Variants in AFF3 observed in about 807,000 individuals in gnomAD.
The protein encoded by AFF3 is ALF transcription elongation factor 3, also known as AF4/FMR2 family member 3.
Under a neutral mutation model 129.7 loss-of-function variants are expected in AFF3, and 32 were observed. That is an observed-to-expected ratio of 0.25 (90% CI 0.19 to 0.33). AFF3 has a LOEUF of 0.33. Among genes scored for constraint, AFF3 ranks in the 10% least tolerant of loss-of-function variants. The pLI, the probability that AFF3 is intolerant of heterozygous loss-of-function variation, is 1.00. For missense variants in AFF3, 1,373 were observed against 1,592.0 expected (o/e 0.86, Z 2.34); for synonymous variants, 644 against 635.4 (o/e 1.01, Z -0.20).
At chr2:99,809,272 GAGA>G (rs1486254771) in intron 8 of AFF3, among the ~76,000 whole-genome samples, 1 of 152,226 alleles carries the variant, frequency 6.6e-6, no homozygotes. Context: ...CGCTTTAGCT[GAGA>G]AGAAGAGAAG....
intron 9 of AFF3, among the ~76,000 whole-genome samples, chr2:99,746,217 A>G (rs1212363973): frequency 6.6e-6 from 1 of 152,068 alleles, no homozygotes; most frequent in Admixed American, 6.6e-5. Flanking sequence ...ATCCAGCAAA[A>G]CTCCTTTAAA....
At chr2:99,618,860 T>G (rs1302162513) in intron 13 of AFF3, among the ~76,000 whole-genome samples, 1 of 152,118 alleles carries the variant, frequency 6.6e-6, no homozygotes. Flanking sequence ...TAAACCTGGC[T>G]GCTTCAGTGC....
At chr2:99,758,303 C>G (rs1575889226) in intron 8 of AFF3, among the ~76,000 whole-genome samples, 2 of 152,156 alleles carry the variant, frequency 1.3e-5, no homozygotes, top group Admixed American at 1.3e-4. Flanking sequence ...CACATGCGGT[C>G]GGGCAGAGTG....
At position 99,729,674 on chromosome 2, in the gene AFF3, G is replaced by C. The variant is rs998261491; in HGVS notation, c.1040-2546C>G. 2.6e-5 allele frequency among the ~76,000 whole-genome samples: 4 copies of C among 152,034 alleles called. No individual in the cohort carries two copies. The East Asian group carries it at 7.7e-4, about 29-fold the overall frequency. ...TTATGGTCTCTTTATTAGGACCCAA[G>C]GGAAAATGATGAATGTAATGGAACA... On this transcript the variant is annotated intron_variant, in intron 10 of 24. Coordinates refer to ENST00000672756, the MANE Select transcript of AFF3 (RefSeq NM_001386135.1).
chr2:99,676,433 A>G (rs890978641), intron 11 of AFF3, among the ~76,000 whole-genome samples: 1 of 152,192 alleles, frequency 6.6e-6, no homozygotes, highest in Non-Finnish European at 1.5e-5. Flanking sequence ...CTGCCCAGGA[A>G]GAATGCTAGC....
intron 1 of AFF3, among the ~76,000 whole-genome samples, chr2:100,132,748 A>C (rs568840233): frequency 2.5e-4 from 38 of 152,162 alleles, no homozygotes; most frequent in Non-Finnish European, 5.4e-4. Flanking sequence ...AGTACTCAAA[A>C]AAATGTTAAA....
chr2:99,662,776 T>C (rs1686359746), intron 12 of AFF3, among the ~76,000 whole-genome samples: 1 of 152,206 alleles, frequency 6.6e-6, no homozygotes, highest in Non-Finnish European at 1.5e-5. Context: ...CTCCTGTTTA[T>C]ATAATTCTAC....
At chr2:99,852,932 C>A (rs1436006787) in intron 7 of AFF3, among the ~76,000 whole-genome samples, 1 of 152,178 alleles carries the variant, frequency 6.6e-6, no homozygotes, top group Non-Finnish European at 1.5e-5. Flanking sequence ...TCTACCATAT[C>A]CCCAAGACCC....
intron 7 of AFF3, among the ~76,000 whole-genome samples, chr2:99,865,967 G>A (rs1377414770): frequency 6.6e-6 from 1 of 152,228 alleles, no homozygotes; most frequent in African/African-American, 2.4e-5. Context: ...CCTACGATGT[G>A]TCAGCCATTG....
At chr2:99,618,357 T>C (rs1681660125) in intron 13 of AFF3, among the ~76,000 whole-genome samples, 1 of 150,710 alleles carries the variant, frequency 6.6e-6, no homozygotes, top group East Asian at 2.0e-4. Context: ...TTCCTCAGCT[T>C]CCTGAGTAGC....
intron 7 of AFF3, among the ~76,000 whole-genome samples, chr2:99,855,847 T>G (rs1003410339): frequency 1.1e-4 from 16 of 152,114 alleles, no homozygotes. Flanking sequence ...CTCTGCCAAG[T>G]GATTAAGGTT....
At chr2:99,774,576 T>A (rs1683744517) in intron 8 of AFF3, among the ~76,000 whole-genome samples, 1 of 151,982 alleles carries the variant, frequency 6.6e-6, no homozygotes, top group African/African-American at 2.4e-5. Context: ...CCTTACACCA[T>A]ATACAAAAAA....
chr2:100,085,741 C>G (rs1026293651), intron 4 of AFF3, among the ~76,000 whole-genome samples: 2 of 152,172 alleles, frequency 1.3e-5, no homozygotes, highest in Admixed American at 6.6e-5. Context: ...CCAGACAGAT[C>G]TAACAGTCCA....
At chr2:99,780,335 C>A (rs1393680749) in intron 8 of AFF3, among the ~76,000 whole-genome samples, 1 of 152,196 alleles carries the variant, frequency 6.6e-6, no homozygotes, top group Non-Finnish European at 1.5e-5. Flanking sequence ...CTAGATGGAT[C>A]ACTTTCCTCC....
At chr2:100,074,977 T>TA (rs1260634442) in intron 4 of AFF3, among the ~76,000 whole-genome samples, 1 of 152,166 alleles carries the variant, frequency 6.6e-6, no homozygotes, top group Non-Finnish European at 1.5e-5. Context: ...AAAGGACCAT[T>TA]ACAGGATCTT....
intron 4 of AFF3, among the ~76,000 whole-genome samples, chr2:100,042,338 C>A (rs1231918834): frequency 6.6e-6 from 1 of 152,212 alleles, no homozygotes; most frequent in African/African-American, 2.4e-5. Flanking sequence ...ACTTCATTTT[C>A]TCTAGAGCAT....
At chr2:100,077,251 A>T (rs1050910754) in intron 4 of AFF3, among the ~76,000 whole-genome samples, 1 of 152,166 alleles carries the variant, frequency 6.6e-6, no homozygotes, top group African/African-American at 2.4e-5. Context: ...TCTCAAACGA[A>T]AATAAAACAA....
chr2:99,941,484 C>A (rs1037225892), intron 7 of AFF3, among the ~76,000 whole-genome samples: 1 of 152,210 alleles, frequency 6.6e-6, no homozygotes, highest in Non-Finnish European at 1.5e-5. Flanking sequence ...AGTCTGACAG[C>A]TGCATATCAC....
At chr2:100,007,665 G>A (rs1682094900) in intron 5 of AFF3, 3 of 600,448 alleles carry the variant, frequency 5.0e-6, no homozygotes, top group Admixed American at 3.0e-5. Flanking sequence ...AATGGCCTTG[G>A]GGTGCATAAA....
Sources: gnomAD v4.1 joint callset for allele counts (sites outside exome capture counted in the v4.1 genomes callset) on GRCh38, gnomAD v4.1.1 for gene constraint, MANE v1.5 for transcripts, NCBI Gene and HGNC (gene_info 2026-07-23, HGNC 2026-07-21) for gene names.